The following PTPRD variants were observed in gnomAD, a reference collection of about 807,000 sequenced individuals.
PTPRD encodes the protein protein tyrosine phosphatase receptor type D.
Under a neutral mutation model 214.5 loss-of-function variants are expected in PTPRD, and 34 were observed. That is an observed-to-expected ratio of 0.16 (90% CI 0.12 to 0.21). The LOEUF (loss-of-function observed/expected upper bound fraction) is 0.21, where lower values mean the gene tolerates loss of function less well. Among genes scored for constraint, PTPRD ranks in the 10% least tolerant of loss-of-function variants. The pLI is 1.00. For missense variants in PTPRD, 2,545 were observed against 2,398.7 expected, an observed-to-expected ratio of 1.06 and a Z score of -1.27; for synonymous variants, 1,128 against 845.7, an observed-to-expected ratio of 1.33 and a Z score of -5.79.
chr9:8,468,443 C>G (rs1565051307), intron 31 of PTPRD, among the ~76,000 whole-genome samples: 1 of 151,972 alleles, frequency 6.6e-6, no homozygotes. Flanking sequence ...TTCATTTTGA[C>G]TATCAATGTC....
At chr9:8,786,850 T>C (rs1161061299) in intron 11 of PTPRD, among the ~76,000 whole-genome samples, 1 of 152,092 alleles carries the variant, frequency 6.6e-6, no homozygotes, top group Non-Finnish European at 1.5e-5. Flanking sequence ...AGGAAATGTT[T>C]ATTTCAATTA....
chr9:9,942,924 C>T (rs1291629434), intron 4 of PTPRD, among the ~76,000 whole-genome samples: 1 of 149,948 alleles, frequency 6.7e-6, no homozygotes, highest in Non-Finnish European at 1.5e-5. Flanking sequence ...GCTTTTGTCC[C>T]AAGCTTTTCT....
At chr9:10,204,658 T>C (rs2099458056) in intron 3 of PTPRD, among the ~76,000 whole-genome samples, 1 of 152,186 alleles carries the variant, frequency 6.6e-6, no homozygotes. Context: ...GATGTTGATA[T>C]AAAAAATATG....
At chr9:10,280,759 A>G (rs1467903225) in intron 3 of PTPRD, among the ~76,000 whole-genome samples, 2 of 148,650 alleles carry the variant, frequency 1.3e-5, no homozygotes, top group African/African-American at 5.0e-5. Flanking sequence ...ACAGGCATGC[A>G]CCACAACACA....
intron 26 of PTPRD, among the ~76,000 whole-genome samples, chr9:8,496,229 C>T (rs944207866): frequency 6.6e-6 from 1 of 151,370 alleles, no homozygotes; most frequent in African/African-American, 2.4e-5. Flanking sequence ...CACACACACA[C>T]ACTTTTTCAC....
chr9:8,446,860 C>T lies in PTPRD; in HGVS notation c.3988+2865G>A, dbSNP rs116619673. Among the ~76,000 whole-genome samples the T allele has an allele frequency of 4.4e-3, 671 of 152,270 alleles. 5 individuals are homozygous for T. Among genetic ancestry groups the T allele is most frequent in the African/African-American group, 0.015 (639 of 41,552 alleles). The stretch of plus-strand genomic sequence containing the variant: ...GTGAAAAAGAGGAGAAGAACAACCA[C>T]AAAAGGGTTACTGGGTTAACAACCC... On this transcript the variant is annotated intron_variant, in intron 34 of 45. Transcript: ENST00000381196.
At chr9:8,510,824 T>C (rs2097663110) in intron 21 of PTPRD, among the ~76,000 whole-genome samples, 2 of 152,092 alleles carry the variant, frequency 1.3e-5, no homozygotes, top group African/African-American at 4.8e-5. Flanking sequence ...AGGTATAAAA[T>C]GAATGTATTT....
intron 5 of PTPRD, among the ~76,000 whole-genome samples, chr9:9,931,430 G>A (rs1401365533): frequency 3.3e-5 from 5 of 152,208 alleles, no homozygotes; most frequent in African/African-American, 1.2e-4. Context: ...CAAGGTGTCA[G>A]GGAGTTCCCT....
intron 35 of PTPRD, among the ~76,000 whole-genome samples, chr9:8,406,417 T>G (rs1285440151): frequency 6.6e-6 from 1 of 152,212 alleles, no homozygotes; most frequent in Admixed American, 6.5e-5. Flanking sequence ...AAATCCCTTC[T>G]CTAATCTCTT....
intron 11 of PTPRD, among the ~76,000 whole-genome samples, chr9:8,881,919 A>T (rs895165110): frequency 6.6e-6 from 1 of 152,222 alleles, no homozygotes; most frequent in Admixed American, 6.5e-5. Flanking sequence ...AGAAAGGAGA[A>T]GGAAGGTGCC....
chr9:10,450,574 G>A (rs754974771), intron 2 of PTPRD, among the ~76,000 whole-genome samples: 1 of 151,992 alleles, frequency 6.6e-6, no homozygotes, highest in Non-Finnish European at 1.5e-5. Flanking sequence ...AACTGAGAGA[G>A]GAGTCCAGTT....
At chr9:8,719,928 G>T (rs967734435) in intron 12 of PTPRD, among the ~76,000 whole-genome samples, 2 of 152,030 alleles carry the variant, frequency 1.3e-5, no homozygotes, top group African/African-American at 2.4e-5. Flanking sequence ...CAGTTCCAGA[G>T]GAAACTGCAG....
At chr9:8,342,696 C>G (rs1853644935) in intron 39 of PTPRD, among the ~76,000 whole-genome samples, 1 of 152,004 alleles carries the variant, frequency 6.6e-6, no homozygotes, top group South Asian at 2.1e-4. Flanking sequence ...TTGTCCATCC[C>G]TCATTGATCT....
intron 3 of PTPRD, among the ~76,000 whole-genome samples, chr9:10,258,993 G>GT (rs1564839320): frequency 6.6e-6 from 1 of 151,956 alleles, no homozygotes; most frequent in African/African-American, 2.4e-5. Flanking sequence ...TGTTGTTGTT[G>GT]TTGTTTGTTT....
intron 3 of PTPRD, among the ~76,000 whole-genome samples, chr9:10,286,733 G>C (rs1011759150): frequency 6.6e-5 from 10 of 151,986 alleles, no homozygotes; most frequent in African/African-American, 2.4e-4. Context: ...CAAGTAGCTG[G>C]TATTACAGGC....
intron 5 of PTPRD, among the ~76,000 whole-genome samples, chr9:9,810,653 C>A (rs961550360): frequency 6.6e-6 from 1 of 151,244 alleles, no homozygotes; most frequent in East Asian, 1.9e-4. Flanking sequence ...TGCTCATTGA[C>A]AATGCACATA....
Position 9,968,066 on chromosome 9 carries a change from G to A in PTPRD, c.-471-29456C>T, listed in dbSNP as rs958056120. The stretch of plus-strand genomic sequence containing the variant: ...ATATCATAATGACTAAATGTACACA[G>A]GTCCATTACTTTAAAGATTTTGGAC... On this transcript the variant is annotated intron_variant, in intron 4 of 45. Transcript: ENST00000381196. Among the ~76,000 whole-genome samples, 27 of 152,166 alleles carry A rather than the reference G, an allele frequency of 1.8e-4. No homozygotes were observed. In the East Asian group the frequency reaches 5.0e-3, roughly 28 times the overall value.
intron 8 of PTPRD, among the ~76,000 whole-genome samples, chr9:9,502,398 T>G (rs750533311): frequency 1.1e-4 from 17 of 151,898 alleles, no homozygotes; most frequent in South Asian, 4.1e-4. Context: ...TTTATTCACT[T>G]AGCATGTCAT....
chr9:10,515,957 A>G (rs1337682788), intron 2 of PTPRD, among the ~76,000 whole-genome samples: 1 of 151,822 alleles, frequency 6.6e-6, no homozygotes, highest in African/African-American at 2.4e-5. Context: ...GATATACTAC[A>G]TTTTACTCAT....
Sources: gnomAD v4.1 joint callset for allele counts (sites outside exome capture counted in the v4.1 genomes callset) on GRCh38, gnomAD v4.1.1 for gene constraint, MANE v1.5 for transcripts, NCBI Gene and HGNC (gene_info 2026-07-23, HGNC 2026-07-21) for gene names.